The following AKAP9 variants were observed in gnomAD, a reference collection of about 807,000 sequenced individuals.
The protein encoded by AKAP9 is A-kinase anchor protein 9.
Under a neutral mutation model 488.5 loss-of-function variants are expected in AKAP9, and 311 were observed. That is an observed-to-expected ratio of 0.64 (90% CI 0.58 to 0.70). AKAP9 has a LOEUF of 0.70. Ranked by LOEUF, AKAP9 falls within the 30% of genes least tolerant of loss-of-function variation. The probability of loss-of-function intolerance (pLI) is 0.00; values close to 1 mark genes in which losing one functional copy is unlikely to be tolerated. For synonymous variants in AKAP9, 1,462 were observed against 1,483.5 expected (o/e 0.99, Z 0.33); for missense variants, 4,215 against 4,374.5 (o/e 0.96, Z 1.03).
intron 7 of AKAP9, among the ~76,000 whole-genome samples, chr7:91,996,779 GAGGTTGAGAAATTA>G (rs1405027594): frequency 2.0e-5 from 3 of 152,194 alleles, no homozygotes; most frequent in Non-Finnish European, 2.9e-5. Flanking sequence ...TCTTCTGCAA[GAGGTTGAGAAATTA>G]CCAAGACAAG....
chr7:92,062,193 C>T, intron 23 of AKAP9, 81 bp from the exon 24 acceptor site: 2 of 1,276,392 alleles, frequency 1.6e-6, no homozygotes, highest in African/African-American at 1.5e-5. Flanking sequence ...TAACAGTATA[C>T]CTTTTGTTGT....
chr7:92,001,617 C>A lies in AKAP9; in HGVS notation c.1700C>A (p.Thr567Lys), dbSNP rs754575296. ...KLNEAHKSLSTVEDLKAEIVS... is the reference protein window; with the variant it reads ...KLNEAHKSLSKVEDLKAEIVS... ...AATGAAGCACATAAGTCCCTTAGTACAGTGGAAGATTTGAAAGCTGAGATT... is the reference window on the plus strand; with the variant it reads ...AATGAAGCACATAAGTCCCTTAGTAAAGTGGAAGATTTGAAAGCTGAGATT... The change falls in exon 8 of 50, where the codon ACA becomes AAA. Residue 567 changes from threonine to lysine, a missense_variant. Thr to Lys is a moderately conservative substitution (Grantham distance 78, BLOSUM62 -1). Transcript: ENST00000356239. 6.2e-7 allele frequency: 1 copy of A among 1,613,628 alleles called. No homozygotes were observed. The highest frequency in any genetic ancestry group is 2.2e-5 in the East Asian group (1 of 44,848).
At chr7:92,102,496 C>T (rs1817740067) in intron 45 of AKAP9, 98 bp from the exon 46 acceptor site, 3 of 895,622 alleles carry the variant, frequency 3.3e-6, no homozygotes, top group Admixed American at 2.0e-5. Context: ...ACTACCACCA[C>T]CACCACCACT....
In AKAP9 at chr7:92,102,162, T is replaced by A. The variant is rs55837318; in HGVS notation, c.11098-432T>A. Among the ~76,000 whole-genome samples, 146 of 129,722 alleles carry A rather than the reference T, an allele frequency of 1.1e-3. 3 individuals are homozygous for A. The South Asian group carries it at 0.033, about 29-fold the overall frequency. The allele number at this position is 129,722 out of a possible 152,430, so 85.1% of individuals were successfully genotyped here. On this transcript the variant is annotated intron_variant, in intron 45 of 49. Transcript: ENST00000356239. Reference sequence around the variant, plus strand: ...CAGAGTGAGACTCCGTCTCATAAATTTAAAAAAAAAATAAATAAATAAATA... The same window carrying A: ...CAGAGTGAGACTCCGTCTCATAAATATAAAAAAAAAATAAATAAATAAATA...
At chr7:91,941,232 C>T (rs1041751974) in intron 1 of AKAP9, 85 bp downstream of exon 1, 1 of 1,387,328 alleles carries the variant, frequency 7.2e-7, no homozygotes, top group East Asian at 2.3e-5. Context: ...CGGAGTTCGC[C>T]GCAGCCCCAG....
intron 1 of AKAP9, among the ~76,000 whole-genome samples, chr7:91,956,399 CAAAAAAAAAA>C (rs554292233): frequency 2.8e-5 from 3 of 108,130 alleles, no homozygotes; most frequent in Non-Finnish European, 6.1e-5. Context: ...GACTCTGTCT[CAAAAAAAAAA>C]AAAAAAAAAA....
intron 1 of AKAP9, among the ~76,000 whole-genome samples, chr7:91,947,195 TG>T (rs1231824859): frequency 1.4e-5 from 2 of 144,416 alleles, no homozygotes; most frequent in Non-Finnish European, 3.1e-5. Flanking sequence ...TGTGTGTGTG[TG>T]CTGGAGAGAG....
At chr7:92,032,327 G>A in intron 16 of AKAP9, among the ~76,000 whole-genome samples, 1 of 151,990 alleles carries the variant, frequency 6.6e-6, no homozygotes, top group East Asian at 1.9e-4. Flanking sequence ...AGAAACCCTG[G>A]CTCTACTAAA....
chr7:92,041,767 G>A, intron 18 of AKAP9: 1 of 324,150 alleles, frequency 3.1e-6, no homozygotes, highest in Non-Finnish European at 5.8e-6. Flanking sequence ...TTTCTTCATT[G>A]CATTTTGTGA....
chr7:92,012,245 A>T (rs1042900610), intron 8 of AKAP9, among the ~76,000 whole-genome samples, 184 bp from the exon 9 acceptor site: 1 of 152,230 alleles, frequency 6.6e-6, no homozygotes, highest in Non-Finnish European at 1.5e-5. Flanking sequence ...TAATGAAAAC[A>T]TTGTGCTACT....
chr7:92,066,571 A>G (rs1810800734), intron 26 of AKAP9, 25 bp downstream of exon 26: 2 of 1,612,432 alleles, frequency 1.2e-6, no homozygotes, highest in Non-Finnish European at 1.7e-6. Context: ...GATATTGCCC[A>G]ACTTACAGTA....
At chr7:91,986,631 G>A (rs1209390697) in intron 3 of AKAP9, among the ~76,000 whole-genome samples, 1 of 152,124 alleles carries the variant, frequency 6.6e-6, no homozygotes, top group Non-Finnish European at 1.5e-5. Flanking sequence ...TTAATTAATA[G>A]TATGGGAAAT....
chr7:92,042,004 T>C (rs1806189173), intron 18 of AKAP9, 42 bp from the exon 19 acceptor site: 1 of 1,605,828 alleles, frequency 6.2e-7, no homozygotes. Context: ...CCTTTTTCTC[T>C]ATCACAAACA....
intron 1 of AKAP9, 102 bp from the exon 2 acceptor site, chr7:91,973,609 A>T (rs1185758024): frequency 5.8e-6 from 7 of 1,201,954 alleles, no homozygotes; most frequent in Non-Finnish European, 8.2e-6. Flanking sequence ...TTATTTAGTG[A>T]TAGTTTGATC....
At position 92,012,443 on chromosome 7, in the gene AKAP9, A is replaced by G; in HGVS notation, c.3333A>G (p.Leu1111=). ...TTTACTTTAAGAATGATTTAAGGCTACAGATGGAAGCCCAACGCATTTGCC... is the reference window on the plus strand; with the variant it reads ...TTTACTTTAAGAATGATTTAAGGCTGCAGATGGAAGCCCAACGCATTTGCC... ...VLKSEQNDLR[L]QMEAQRICLS... is the part of the protein sequence containing the mutation. The change falls in exon 9 of 50, where the codon CTA becomes CTG. Residue 1111 remains leucine (L), a synonymous_variant. Coordinates refer to ENST00000356239, the MANE Select transcript of AKAP9 (RefSeq NM_005751.5). 2 of 1,613,582 alleles carry G rather than the reference A, an allele frequency of 1.2e-6. No homozygotes were observed. Among genetic ancestry groups the G allele is most frequent in the Non-Finnish European group, 1.7e-6 (2 of 1,179,528 alleles).
In AKAP9 at chr7:92,038,447, C is replaced by T. The variant is rs763748052; in HGVS notation, c.4367C>T (p.Ala1456Val). 6.2e-7 allele frequency: 1 copy of T among 1,613,586 alleles called. No individual in the cohort carries two copies. The highest frequency in any genetic ancestry group is 8.5e-7 in the Non-Finnish European group (1 of 1,179,694). The change falls in exon 17 of 50, where the codon GCT becomes GTT. Residue 1456 changes from alanine (A) to valine (V), a missense_variant. This residue lies in a region of AKAP9 where 2,361 missense variants were observed against 2,430.0 expected (regional missense o/e 0.97). Coordinates refer to ENST00000356239, the MANE Select transcript of AKAP9 (RefSeq NM_005751.5). ...KVIVSMSIAF[A>V]QQTELSRISG... is the part of the protein sequence containing the mutation. ...ATTGTGTCAATGAGTATAGCATTTG[C>T]TCAACAAACTGAACTGTCTAGAATA...
intron 44 of AKAP9, chr7:92,100,085 G>A (rs1817270690): frequency 6.4e-6 from 3 of 471,054 alleles, no homozygotes; most frequent in Non-Finnish European, 7.7e-6. Flanking sequence ...TCGACTCTGG[G>A]TTGTATACAT....
At position 91,995,715 on chromosome 7, in the gene AKAP9, A is replaced by C. The variant is rs762460761; in HGVS notation, c.845A>C (p.His282Pro). Residue 282 changes from histidine to proline, a missense_variant, in exon 7 of 50, where the codon CAC (histidine) becomes CCC (proline). His to Pro is a moderately conservative substitution (Grantham distance 77). Coordinates refer to ENST00000356239, the MANE Select transcript of AKAP9 (RefSeq NM_005751.5). The part of the protein sequence containing the change: ...THQQQLEEQD[H>P]LLEDYQKKKE... ...CAACAGCAGCTTGAAGAACAAGACC[A>C]CTTATTAGAAGATTATCAGAAAAAG... The C allele has an allele frequency of 1.3e-5, 21 of 1,613,748 alleles. 1 individual carries two copies. In the Admixed American group the frequency reaches 3.0e-4, roughly 23 times the overall value.
At chr7:92,056,853 G>C (rs1808866198) in intron 22 of AKAP9, among the ~76,000 whole-genome samples, 1 of 151,970 alleles carries the variant, frequency 6.6e-6, no homozygotes, top group Admixed American at 6.6e-5. Context: ...TAAAGGCTTT[G>C]TGGATTTAGG....
Sources: gnomAD v4.1 joint callset for allele counts (sites outside exome capture counted in the v4.1 genomes callset) on GRCh38, gnomAD v4.1.1 for gene constraint, gnomAD v4.1.1 regional missense constraint, MANE v1.5 for transcripts, NCBI Gene and HGNC (gene_info 2026-07-23, HGNC 2026-07-21) for gene names.